Variants in RSF1 observed in about 807,000 individuals in gnomAD.
The protein encoded by RSF1 is HBV pX-associated protein 8.
Under a neutral mutation model 145.2 loss-of-function variants are expected in RSF1, and 13 were observed. That is an observed-to-expected ratio of 0.09 (90% confidence interval 0.06 to 0.14). The LOEUF (loss-of-function observed/expected upper bound fraction) is 0.14. RSF1 is among the 10% of genes least tolerant of loss of function. The probability of loss-of-function intolerance (pLI) is 1.00; values close to 1 mark genes in which losing one functional copy is unlikely to be tolerated. For synonymous variants in RSF1, 577 were observed against 592.6 expected (o/e 0.97, Z 0.38); for missense variants, 1,517 against 1,718.2 (o/e 0.88, Z 2.07).
chr11:77,677,992 G>A, intron 12 of RSF1, 94 bp downstream of exon 12: 1 of 815,866 alleles, frequency 1.2e-6, no homozygotes, highest in Non-Finnish European at 2.1e-6. Flanking sequence ...TAACGGGAAA[G>A]AGAATAAAAA....
intron 2 of RSF1, among the ~76,000 whole-genome samples, chr11:77,757,417 C>A (rs578013452): frequency 1.3e-5 from 2 of 152,318 alleles, no homozygotes; most frequent in South Asian, 4.1e-4. Context: ...CGGTGGCTCA[C>A]ACCTGTAATC....
intron 1 of RSF1, among the ~76,000 whole-genome samples, chr11:77,768,841 A>G (rs1199469276): frequency 1.3e-5 from 2 of 152,172 alleles, no homozygotes; most frequent in Non-Finnish European, 2.9e-5. Context: ...TTAAAACGGC[A>G]CTGTCTATTA....
At chr11:77,673,139 T>C (rs1294530078) in intron 14 of RSF1, among the ~76,000 whole-genome samples, 1 of 152,240 alleles carries the variant, frequency 6.6e-6, no homozygotes, top group African/African-American at 2.4e-5. Context: ...ATAGTCATAA[T>C]GTATTGCAGA....
chr11:77,772,081 T>C (rs1435238211), intron 1 of RSF1, among the ~76,000 whole-genome samples: 3 of 152,206 alleles, frequency 2.0e-5, no homozygotes, highest in Admixed American at 1.3e-4. Context: ...ATCATGACTT[T>C]TAGTTTAATC....
At chr11:77,760,049 C>T (rs564940066) in intron 2 of RSF1, among the ~76,000 whole-genome samples, 2 of 152,194 alleles carry the variant, frequency 1.3e-5, no homozygotes, top group South Asian at 4.1e-4. Flanking sequence ...ACAGAATTAC[C>T]ATATGACCTA....
chr11:77,821,029 C>A, upstream of RSF1: 2 of 207,996 alleles, frequency 9.6e-6, no homozygotes, highest in Admixed American at 1.2e-4. Context: ...GGAAGCGGGG[C>A]GGGGAGGCGG....
At chr11:77,719,033 G>T (rs1960884389) in intron 5 of RSF1, among the ~76,000 whole-genome samples, 1 of 152,080 alleles carries the variant, frequency 6.6e-6, no homozygotes, top group Non-Finnish European at 1.5e-5. Flanking sequence ...GATTGCCTGA[G>T]GCCAGGAGTT....
intron 1 of RSF1, among the ~76,000 whole-genome samples, chr11:77,786,326 A>C (rs1404476087): frequency 6.6e-6 from 1 of 152,234 alleles, no homozygotes; most frequent in Non-Finnish European, 1.5e-5. Context: ...TTAACTTATC[A>C]TTCAGAATAT....
chr11:77,869,609 G>C, the RSF1 span: 1 of 1,037,780 alleles, frequency 9.6e-7, no homozygotes, highest in African/African-American at 1.6e-5. Flanking sequence ...AGTGATGCTT[G>C]GCACAAAGTG....
chr11:77,847,648 T>G, the RSF1 span, among the ~76,000 whole-genome samples: 4 of 152,242 alleles, frequency 2.6e-5, no homozygotes, highest in Middle Eastern at 3.4e-3. Flanking sequence ...CAGAGTGAAG[T>G]TGGAAAATGG....
In RSF1 at chr11:77,716,394, G is replaced by A. The variant is rs190434701; in HGVS notation, c.733+9151C>T. 4.9e-3 allele frequency among the ~76,000 whole-genome samples: 746 copies of A among 152,206 alleles called. 6 individuals carry two copies. The highest frequency in any genetic ancestry group is 8.9e-3 in the Non-Finnish European group (602 of 68,012). ...CTAAGTGTCCATTAACAGATAGAAG[G>A]ATAAAGAAAATATGATCTATATACA... On this transcript the variant is annotated intron_variant, in intron 5 of 15. Coordinates refer to ENST00000308488, the MANE Select transcript of RSF1 (RefSeq NM_016578.4).
At chr11:77,728,187 T>A (rs1961104149) in intron 4 of RSF1, among the ~76,000 whole-genome samples, 1 of 152,208 alleles carries the variant, frequency 6.6e-6, no homozygotes, top group Non-Finnish European at 1.5e-5. Flanking sequence ...ATCGGGTGAC[T>A]GACTGCACTT....
At chr11:77,855,478 C>T in the RSF1 span, 4 of 197,372 alleles carry the variant, frequency 2.0e-5, no homozygotes, top group Admixed American at 2.4e-4. Flanking sequence ...TGCCACCACA[C>T]CCAGGTAACT....
At chr11:77,675,789 C>T (rs891283515) in intron 13 of RSF1, among the ~76,000 whole-genome samples, 5 of 152,206 alleles carry the variant, frequency 3.3e-5, no homozygotes, top group Non-Finnish European at 7.3e-5. Flanking sequence ...TCTCTAATAT[C>T]TGGTCTCATT....
chr11:77,869,600 G>A, the RSF1 span: 25 of 964,402 alleles, frequency 2.6e-5, no homozygotes, highest in East Asian at 6.3e-4. Context: ...GAGCCTATGA[G>A]TGATGCTTGG....
At chr11:77,789,002 T>C (rs1393462195) in intron 1 of RSF1, among the ~76,000 whole-genome samples, 1 of 151,782 alleles carries the variant, frequency 6.6e-6, no homozygotes, top group East Asian at 1.9e-4. Context: ...CAAGACCTTA[T>C]CTCAAAAAAC....
chr11:77,787,634 A>G (rs1002315086), intron 1 of RSF1, among the ~76,000 whole-genome samples: 5 of 152,184 alleles, frequency 3.3e-5, no homozygotes, highest in African/African-American at 1.2e-4. Flanking sequence ...GACTAAACGC[A>G]TATCCAGTCC....
At chr11:77,738,377 A>C (rs1961419154) in intron 4 of RSF1, among the ~76,000 whole-genome samples, 1 of 152,248 alleles carries the variant, frequency 6.6e-6, no homozygotes, top group Non-Finnish European at 1.5e-5. Context: ...TTAATACAAT[A>C]AAAATACAAA....
intron 15 of RSF1, among the ~76,000 whole-genome samples, chr11:77,670,865 G>T (rs1377091641): frequency 1.3e-5 from 2 of 151,588 alleles, no homozygotes; most frequent in Admixed American, 6.6e-5. Flanking sequence ...CCAGCACTTT[G>T]GGAGGCCAAG....
Sources: allele counts gnomAD v4.1 joint callset (sites outside exome capture counted in the v4.1 genomes callset), GRCh38; gene constraint gnomAD v4.1.1; transcripts MANE v1.5; gene names NCBI Gene and HGNC (gene_info 2026-07-23, HGNC 2026-07-21).